ROBO2: variants seen among roughly 807,000 people sequenced by gnomAD.
ROBO2 encodes roundabout homolog 2.
In ROBO2, 53 loss-of-function variants were observed where a neutral mutation model predicts 160.8. The ratio of observed to expected loss-of-function variants is 0.33; its 90% CI spans 0.26 to 0.41. ROBO2 has a LOEUF of 0.41. Ranked by LOEUF, ROBO2 falls within the 10% of genes least tolerant of loss-of-function variation. ROBO2 has a pLI of 1.00. For missense variants in ROBO2, 1,577 were observed against 1,722.4 expected, an observed-to-expected ratio of 0.92 and a Z score of 1.49; for synonymous variants, 664 against 611.7, an observed-to-expected ratio of 1.09 and a Z score of -1.26.
intron 2 of ROBO2, among the ~76,000 whole-genome samples, chr3:76,418,596 T>C (rs2075856522): frequency 6.7e-6 from 1 of 149,706 alleles, no homozygotes; most frequent in African/African-American, 2.4e-5. Flanking sequence ...CTCCTTGTGG[T>C]GATCCCTTGT....
chr3:77,593,982 T>C (rs896802609), intron 17 of ROBO2, among the ~76,000 whole-genome samples: 1 of 152,310 alleles, frequency 6.6e-6, no homozygotes, highest in Non-Finnish European at 1.5e-5. Context: ...GTATTTTTTT[T>C]CCTTCATCCC....
chr3:76,985,575 GAAAAAAAA>G (rs532632866), intron 2 of ROBO2, among the ~76,000 whole-genome samples: 1 of 26,358 alleles, frequency 3.8e-5, no homozygotes, highest in Non-Finnish European at 6.6e-5. Flanking sequence ...GACTCCGTCT[GAAAAAAAA>G]AAAAAAAAAA....
chr3:77,409,092 CATATATATATGTATATAT>C, intron 2 of ROBO2, among the ~76,000 whole-genome samples: 1 of 128,044 alleles, frequency 7.8e-6, no homozygotes, highest in Non-Finnish European at 1.7e-5. Flanking sequence ...GAAATACATA[CATATATATATGTATATAT>C]ATATATATAT....
At chr3:76,442,949 A>G (rs2076993502) in intron 2 of ROBO2, among the ~76,000 whole-genome samples, 1 of 152,160 alleles carries the variant, frequency 6.6e-6, no homozygotes, top group Non-Finnish European at 1.5e-5. Context: ...TTGCTATAAA[A>G]GATTAATCGA....
chr3:77,538,170 CTTTTTTTTTT>C (rs59409802), intron 6 of ROBO2, among the ~76,000 whole-genome samples: 47,403 of 102,854 alleles, frequency 0.46, 8,722 homozygotes, highest in Admixed American at 0.54. Flanking sequence ...TGATCATTTA[CTTTTTTTTTT>C]TTTTTTTTTT....
chr3:77,162,904 A>G (rs2078620516), intron 2 of ROBO2, among the ~76,000 whole-genome samples: 1 of 151,866 alleles, frequency 6.6e-6, no homozygotes, highest in Non-Finnish European at 1.5e-5. Context: ...ATTTTGGCTT[A>G]CTGCAACCTT....
intron 1 of ROBO2, among the ~76,000 whole-genome samples, chr3:77,058,832 C>T (rs1025770003): frequency 1.3e-5 from 2 of 152,114 alleles, no homozygotes; most frequent in African/African-American, 2.4e-5. Flanking sequence ...GCCGCCACAC[C>T]TGGCCTTAGT....
intron 5 of ROBO2, among the ~76,000 whole-genome samples, chr3:77,507,057 T>C (rs1364015415): frequency 6.6e-6 from 1 of 152,170 alleles, no homozygotes; most frequent in East Asian, 1.9e-4. Context: ...CATCAGATAG[T>C]TGCTGAATTG....
chr3:77,244,967 A>G (rs1302716291), intron 2 of ROBO2, among the ~76,000 whole-genome samples: 2 of 147,376 alleles, frequency 1.4e-5, no homozygotes, highest in African/African-American at 2.5e-5. Flanking sequence ...TTTTTTTATC[A>G]AAAAAGCAAA....
chr3:76,422,062 C>T (rs2076018484), intron 2 of ROBO2, among the ~76,000 whole-genome samples: 2 of 152,148 alleles, frequency 1.3e-5, no homozygotes, highest in African/African-American at 4.8e-5. Context: ...AATAAGCAGG[C>T]CCACCTGACC....
At chr3:76,739,083 G>T (rs577236841) in intron 2 of ROBO2, among the ~76,000 whole-genome samples, 2 of 152,024 alleles carry the variant, frequency 1.3e-5, no homozygotes, top group African/African-American at 4.8e-5. Flanking sequence ...GATTCCTCAG[G>T]GATCTAGAAC....
chr3:77,311,253 A>ACAT (rs1205890468), intron 2 of ROBO2, among the ~76,000 whole-genome samples: 2 of 152,208 alleles, frequency 1.3e-5, no homozygotes, highest in African/African-American at 4.8e-5. Context: ...AAAACTACAT[A>ACAT]CATCAGGTAT....
intron 2 of ROBO2, among the ~76,000 whole-genome samples, chr3:77,299,068 G>T (rs191598679): frequency 7.2e-5 from 11 of 152,306 alleles, no homozygotes; most frequent in Non-Finnish European, 1.5e-4. Context: ...AGATGTGCAT[G>T]ATGAGGAACA....
intron 2 of ROBO2, among the ~76,000 whole-genome samples, chr3:76,950,758 A>T (rs2078906251): frequency 6.6e-6 from 1 of 151,950 alleles, no homozygotes; most frequent in African/African-American, 2.4e-5. Flanking sequence ...ACAGGTTCTC[A>T]CTCTGTTGCC....
chr3:77,276,982 G>T (rs1222559420), intron 2 of ROBO2, among the ~76,000 whole-genome samples: 1 of 152,038 alleles, frequency 6.6e-6, no homozygotes, highest in Non-Finnish European at 1.5e-5. Flanking sequence ...TCTTCACCTG[G>T]CCCTGCCCTT....
rs553168053 is a variant in ROBO2 at position 77,119,749 on chromosome 3, G to C, written c.388+21409G>C. ...GTGTGAGTTTTTTGGTACAGACCAA[G>C]AAAGAAAGAAAATACATAGCTATCC... On this transcript the variant is annotated intron_variant, in intron 2 of 25. Coordinates refer to ENST00000461745, the Ensembl canonical transcript of ROBO2. Among the ~76,000 whole-genome samples, 123 of 152,300 alleles carry C rather than the reference G, an allele frequency of 8.1e-4. 1 individual carries two copies. Among genetic ancestry groups the C allele is most frequent in the African/African-American group, 2.8e-3 (118 of 41,574 alleles).
At chr3:77,602,082 C>A in intron 19 of ROBO2, 128 bp from the exon 21 acceptor site, 1 of 922,764 alleles carries the variant, frequency 1.1e-6, no homozygotes, top group Non-Finnish European at 1.8e-6. Context: ...CCTTCAGTGG[C>A]TCATGAAGCC....
At chr3:76,904,664 G>A (rs1398148728) in intron 2 of ROBO2, among the ~76,000 whole-genome samples, 1 of 152,066 alleles carries the variant, frequency 6.6e-6, no homozygotes, top group Non-Finnish European at 1.5e-5. Flanking sequence ...TTAAGAACAG[G>A]CTCCTGTAGC....
At chr3:77,481,019 A>G (rs1253722920) in intron 3 of ROBO2, 80 bp from the exon 4 acceptor site, 3 of 1,286,886 alleles carry the variant, frequency 2.3e-6, no homozygotes, top group African/African-American at 1.5e-5. Context: ...CAAATACTCA[A>G]AACTATTTAT....
Sources: allele counts gnomAD v4.1 joint callset (sites outside exome capture counted in the v4.1 genomes callset), GRCh38; gene constraint gnomAD v4.1.1; transcripts MANE v1.5; gene names NCBI Gene and HGNC (gene_info 2026-07-23, HGNC 2026-07-21).